The following ASIC2 variants were observed in gnomAD, a reference collection of about 807,000 sequenced individuals.
ASIC2 encodes the protein acid sensing ion channel subunit 2.
Under a neutral mutation model 57.3 loss-of-function variants are expected in ASIC2, and 25 were observed. The ratio of observed to expected loss-of-function variants is 0.44; its 90% CI spans 0.32 to 0.61. The LOEUF is 0.61. Among genes scored for constraint, ASIC2 ranks in the 20% least tolerant of loss-of-function variants. The pLI is 0.06. For synonymous variants in ASIC2, 319 were observed against 307.5 expected (o/e 1.04, Z -0.39); for missense variants, 641 against 738.1 (o/e 0.87, Z 1.52).
chr17:33,701,601 A>G (rs1298134115), intron 1 of ASIC2, among the ~76,000 whole-genome samples: 1 of 152,126 alleles, frequency 6.6e-6, no homozygotes, highest in African/African-American at 2.4e-5. Context: ...AAATGAGTTC[A>G]AGGTAGGGTT....
intron 1 of ASIC2, among the ~76,000 whole-genome samples, chr17:33,134,751 G>A (rs1027038117): frequency 1.3e-5 from 2 of 152,204 alleles, no homozygotes; most frequent in African/African-American, 4.8e-5. Context: ...GGCTGGGGAG[G>A]GCTCCCATGG....
chr17:33,179,794 G>T (rs1905904586), intron 1 of ASIC2, among the ~76,000 whole-genome samples: 3 of 152,210 alleles, frequency 2.0e-5, no homozygotes, highest in African/African-American at 7.2e-5. Context: ...TAGCTCCTCT[G>T]CTCAAATGGC....
chr17:33,839,323 C>T (rs763001151), intron 1 of ASIC2, among the ~76,000 whole-genome samples: 43 of 152,196 alleles, frequency 2.8e-4, no homozygotes, highest in Non-Finnish European at 2.2e-4. Context: ...TGGGTGAAGG[C>T]TAGCACAAGG....
intron 3 of ASIC2, among the ~76,000 whole-genome samples, chr17:33,085,358 GT>G (rs1281109198): frequency 1.3e-5 from 2 of 152,162 alleles, no homozygotes; most frequent in Admixed American, 6.5e-5. Flanking sequence ...TTAATTGATT[GT>G]AAAACGAATC....
At chr17:33,627,615 G>A (rs920126615) in intron 1 of ASIC2, among the ~76,000 whole-genome samples, 1 of 152,238 alleles carries the variant, frequency 6.6e-6, no homozygotes, top group Non-Finnish European at 1.5e-5. Context: ...TGAAGGTGAG[G>A]CCCTGCTCAA....
chr17:33,712,018 C>A (rs1363061187), intron 1 of ASIC2, among the ~76,000 whole-genome samples: 1 of 152,208 alleles, frequency 6.6e-6, no homozygotes, highest in African/African-American at 2.4e-5. Context: ...CAATCATCAT[C>A]CCCCTTTTCT....
intron 1 of ASIC2, among the ~76,000 whole-genome samples, chr17:33,398,523 G>A (rs1910162726): frequency 6.6e-6 from 1 of 152,152 alleles, no homozygotes; most frequent in Admixed American, 6.5e-5. Flanking sequence ...GGTGATGGTA[G>A]TGATGGTGAT....
At chr17:33,202,772 G>A (rs1184177689) in intron 1 of ASIC2, among the ~76,000 whole-genome samples, 2 of 152,120 alleles carry the variant, frequency 1.3e-5, no homozygotes, top group Non-Finnish European at 2.9e-5. Context: ...GCTTTATTTA[G>A]CTTCATCTTT....
chr17:33,194,798 G>A lies in ASIC2; in HGVS notation c.709-82731C>T, dbSNP rs111355929. Among the ~76,000 whole-genome samples the A allele has an allele frequency of 5.8e-3, 878 of 152,274 alleles. 5 individuals are homozygous for A. Among genetic ancestry groups the A allele is most frequent in the South Asian group, 0.013 (64 of 4,828 alleles). On this transcript the variant is annotated intron_variant, in intron 1 of 9. Coordinates refer to ENST00000225823, the MANE Select transcript of ASIC2 (RefSeq NM_183377.2). The stretch of plus-strand genomic sequence containing the variant: ...AGAAGGTCAATGTCATTGTTCTGAC[G>A]CTAAGACACGTGGTGAAACCCAACT...
At chr17:33,842,754 G>T (rs1913477742) in intron 1 of ASIC2, among the ~76,000 whole-genome samples, 1 of 152,210 alleles carries the variant, frequency 6.6e-6, no homozygotes, top group Non-Finnish European at 1.5e-5. Context: ...ATGAAGATTG[G>T]ACAGTGAGAG....
At chr17:33,320,023 T>A (rs12449358) in intron 1 of ASIC2, among the ~76,000 whole-genome samples, 28,953 of 152,048 alleles carry the variant, frequency 0.19, 2,876 homozygotes, top group East Asian at 0.37. Context: ...GTAATTCATG[T>A]GCAACCTGGG....
At chr17:33,318,760 A>G (rs1291603551) in intron 1 of ASIC2, among the ~76,000 whole-genome samples, 1 of 152,114 alleles carries the variant, frequency 6.6e-6, no homozygotes, top group Non-Finnish European at 1.5e-5. Context: ...GTAGCTTCCC[A>G]TCTCTTACAA....
At chr17:34,019,608 T>C (rs1253603273) in intron 1 of ASIC2, among the ~76,000 whole-genome samples, 1 of 152,238 alleles carries the variant, frequency 6.6e-6, no homozygotes, top group Non-Finnish European at 1.5e-5. Flanking sequence ...TATTTCTAAT[T>C]AACGTATAAA....
chr17:33,706,204 CAT>C (rs3030213), intron 1 of ASIC2, among the ~76,000 whole-genome samples: 67,734 of 140,172 alleles, frequency 0.48, 16,635 homozygotes, highest in Middle Eastern at 0.65. Context: ...ATATATGATT[CAT>C]ATATATATAT....
chr17:34,083,075 G>C (rs1455623374), intron 1 of ASIC2, among the ~76,000 whole-genome samples: 1 of 151,236 alleles, frequency 6.6e-6, no homozygotes, highest in Non-Finnish European at 1.5e-5. Flanking sequence ...ACAATGTGCA[G>C]GTTAGTTACA....
chr17:33,323,586 C>A (rs868770460), intron 1 of ASIC2, among the ~76,000 whole-genome samples: 1 of 152,138 alleles, frequency 6.6e-6, no homozygotes, highest in Non-Finnish European at 1.5e-5. Flanking sequence ...TGGTGGCAGA[C>A]GCCTGTAATC....
At chr17:33,285,767 C>T (rs1412046426) in intron 1 of ASIC2, among the ~76,000 whole-genome samples, 2 of 152,300 alleles carry the variant, frequency 1.3e-5, no homozygotes, top group East Asian at 3.9e-4. Flanking sequence ...ACAGATGCTC[C>T]CAGCACTGCA....
At chr17:33,519,751 T>C (rs568084291) in intron 1 of ASIC2, among the ~76,000 whole-genome samples, 1 of 152,244 alleles carries the variant, frequency 6.6e-6, no homozygotes, top group East Asian at 1.9e-4. Flanking sequence ...GTGGGAATAA[T>C]CTCTGTGCCC....
chr17:33,125,964 A>G (rs2092321632), intron 1 of ASIC2, among the ~76,000 whole-genome samples: 1 of 152,214 alleles, frequency 6.6e-6, no homozygotes, highest in South Asian at 2.1e-4. Context: ...CGGGGGTTGC[A>G]CTTGCATTAA....
Sources: allele counts gnomAD v4.1 joint callset (sites outside exome capture counted in the v4.1 genomes callset), GRCh38; gene constraint gnomAD v4.1.1; transcripts MANE v1.5; gene names NCBI Gene and HGNC (gene_info 2026-07-23, HGNC 2026-07-21).